The following ARHGAP15 variants were observed in gnomAD, a reference collection of about 807,000 sequenced individuals.
ARHGAP15 encodes the protein Rho GTPase activating protein 15, also known as rho GTPase-activating protein 15.
ARHGAP15 carries 51 observed loss-of-function variants against 63.7 expected under a neutral mutation model. That is an observed-to-expected ratio of 0.80 (90% CI 0.64 to 1.01). ARHGAP15 has a LOEUF of 1.01. ARHGAP15 is among the 50% of genes least tolerant of loss of function. The probability of loss-of-function intolerance (pLI) is 0.00; values close to 1 mark genes in which losing one functional copy is unlikely to be tolerated. For synonymous variants in ARHGAP15, 191 were observed against 193.8 expected (o/e 0.99, Z 0.12); for missense variants, 560 against 564.6 (o/e 0.99, Z 0.08).
At chr2:143,218,164 T>A (rs1228450502) in intron 4 of ARHGAP15, among the ~76,000 whole-genome samples, 4 of 152,228 alleles carry the variant, frequency 2.6e-5, no homozygotes, top group African/African-American at 9.6e-5. Flanking sequence ...GTTTTCCGTG[T>A]TACAGTTAAA....
chr2:143,339,079 A>G (rs1675146338), intron 6 of ARHGAP15, among the ~76,000 whole-genome samples: 1 of 152,108 alleles, frequency 6.6e-6, no homozygotes, highest in African/African-American at 2.4e-5. Flanking sequence ...TGCCCATTAT[A>G]TGTCAGACTT....
intron 1 of ARHGAP15, among the ~76,000 whole-genome samples, chr2:143,132,919 C>T (rs560532683): frequency 1.3e-5 from 2 of 151,786 alleles, no homozygotes; most frequent in Admixed American, 6.6e-5. Context: ...GTATGTTTGA[C>T]AACTCCTCAC....
chr2:143,518,663 G>A (rs1201039336), intron 9 of ARHGAP15, among the ~76,000 whole-genome samples: 1 of 152,188 alleles, frequency 6.6e-6, no homozygotes, highest in African/African-American at 2.4e-5. Flanking sequence ...TGTCACAGGA[G>A]ACACAAAGCT....
chr2:143,161,624 T>C (rs1346903008), intron 2 of ARHGAP15, among the ~76,000 whole-genome samples: 1 of 151,870 alleles, frequency 6.6e-6, no homozygotes, highest in Non-Finnish European at 1.5e-5. Flanking sequence ...TCAGGTGCTG[T>C]CAGCGAGAAT....
intron 10 of ARHGAP15, among the ~76,000 whole-genome samples, chr2:143,543,843 G>A (rs1362107021): frequency 6.6e-6 from 1 of 152,108 alleles, no homozygotes; most frequent in Non-Finnish European, 1.5e-5. Flanking sequence ...AGTGTTTTGA[G>A]TAACCAGAGG....
chr2:143,486,097 T>C (rs557989949), intron 8 of ARHGAP15, among the ~76,000 whole-genome samples: 1 of 152,018 alleles, frequency 6.6e-6, no homozygotes, highest in Admixed American at 6.5e-5. Context: ...TATAGAGAGG[T>C]TTCTCACTCC....
intron 10 of ARHGAP15, among the ~76,000 whole-genome samples, chr2:143,552,303 C>T (rs567746916): frequency 2.0e-5 from 3 of 152,262 alleles, no homozygotes; most frequent in Admixed American, 6.5e-5. Flanking sequence ...GTCCATCATT[C>T]GGGCTACCAA....
chr2:143,297,622 A>T (rs951978761), intron 6 of ARHGAP15, among the ~76,000 whole-genome samples: 1 of 151,982 alleles, frequency 6.6e-6, no homozygotes, highest in Non-Finnish European at 1.5e-5. Flanking sequence ...CAGGTTTGTT[A>T]TGATGAATGT....
At chr2:143,726,877 G>A (rs1685304295) in intron 13 of ARHGAP15, among the ~76,000 whole-genome samples, 1 of 152,154 alleles carries the variant, frequency 6.6e-6, no homozygotes, top group Non-Finnish European at 1.5e-5. Context: ...TTTGTTTGCT[G>A]TCATTGATAA....
intron 10 of ARHGAP15, among the ~76,000 whole-genome samples, chr2:143,536,734 T>A (rs1694786629): frequency 6.6e-6 from 1 of 151,958 alleles, no homozygotes; most frequent in Admixed American, 6.6e-5. Flanking sequence ...TAGTATTCCA[T>A]GGTGTATATG....
intron 13 of ARHGAP15, among the ~76,000 whole-genome samples, chr2:143,767,069 G>A (rs1467698236): frequency 6.6e-6 from 1 of 152,052 alleles, no homozygotes; most frequent in East Asian, 1.9e-4. Context: ...TGGATGTCTG[G>A]TAGAATGAAG....
At chr2:143,319,565 A>G (rs749581592) in intron 6 of ARHGAP15, among the ~76,000 whole-genome samples, 1 of 152,110 alleles carries the variant, frequency 6.6e-6, no homozygotes, top group Non-Finnish European at 1.5e-5. Flanking sequence ...ATTTTAAATA[A>G]CATAATATGT....
chr2:143,391,853 C>T (rs1045425172), intron 6 of ARHGAP15, among the ~76,000 whole-genome samples: 2 of 152,244 alleles, frequency 1.3e-5, no homozygotes, highest in South Asian at 4.1e-4. Context: ...CCTTAATTCA[C>T]ATTTCAAAAA....
At chr2:143,225,013 T>C (rs899451213) in intron 4 of ARHGAP15, among the ~76,000 whole-genome samples, 1 of 152,158 alleles carries the variant, frequency 6.6e-6, no homozygotes, top group Admixed American at 6.5e-5. Context: ...AAGAAATTAT[T>C]CTTTGGCCAT....
intron 10 of ARHGAP15, among the ~76,000 whole-genome samples, chr2:143,524,292 C>A (rs1182845349): frequency 6.6e-6 from 1 of 152,148 alleles, no homozygotes; most frequent in Non-Finnish European, 1.5e-5. Context: ...AGGCTGTTGG[C>A]TTTAAAATTC....
chr2:143,197,520 A>G (rs1187985806), intron 2 of ARHGAP15, among the ~76,000 whole-genome samples: 2 of 152,044 alleles, frequency 1.3e-5, no homozygotes, highest in Non-Finnish European at 2.9e-5. Flanking sequence ...TCAATTAAGT[A>G]TATTATGTAA....
intron 6 of ARHGAP15, among the ~76,000 whole-genome samples, chr2:143,259,606 T>C (rs1409023025): frequency 1.3e-5 from 2 of 152,104 alleles, no homozygotes; most frequent in Non-Finnish European, 2.9e-5. Flanking sequence ...CTTCTCTGAT[T>C]CGGTTTGACT....
At chr2:143,180,934 A>C (rs572093919) in intron 2 of ARHGAP15, among the ~76,000 whole-genome samples, 1 of 152,286 alleles carries the variant, frequency 6.6e-6, no homozygotes, top group South Asian at 2.1e-4. Flanking sequence ...GGCCTCCCAA[A>C]GTGCTGGGAT....
chr2:143,242,645 A>G (rs180699462), intron 5 of ARHGAP15, among the ~76,000 whole-genome samples: 1 of 152,340 alleles, frequency 6.6e-6, no homozygotes, highest in Non-Finnish European at 1.5e-5. Flanking sequence ...TAATATACTG[A>G]GAAATTTCAC....
Sources: allele counts gnomAD v4.1 joint callset (sites outside exome capture counted in the v4.1 genomes callset), GRCh38; gene constraint gnomAD v4.1.1; transcripts MANE v1.5; gene names NCBI Gene and HGNC (gene_info 2026-07-23, HGNC 2026-07-21).